Variants in CDA observed in about 807,000 individuals in gnomAD.
CDA encodes cytidine aminohydrolase.
CDA carries 7 observed loss-of-function variants against 15.0 expected under a neutral mutation model. That is an observed-to-expected ratio of 0.47 (90% CI 0.26 to 0.87). CDA has a LOEUF of 0.87. Ranked by LOEUF, CDA falls within the 40% of genes least tolerant of loss-of-function variation. CDA has a pLI of 0.15. For missense variants in CDA, 159 were observed against 182.7 expected, an observed-to-expected ratio of 0.87 and a Z score of 0.75; for synonymous variants, 58 against 73.0, an observed-to-expected ratio of 0.79 and a Z score of 1.05.
chr1:20,612,083 G>A lies in CDA; in HGVS notation c.267-1759G>A, dbSNP rs555582801. 4.6e-5 allele frequency among the ~76,000 whole-genome samples: 7 copies of A among 152,050 alleles called. No homozygotes were observed. The East Asian group carries it at 7.8e-4, about 17-fold the overall frequency. ...TCGCCATGTTGGCCAGGATGGTCTC[G>A]AACTCCTGACCTCAGGTGATCCATC... On this transcript the variant is annotated intron_variant, in intron 2 of 3. Coordinates refer to ENST00000375071, the MANE Select transcript of CDA (RefSeq NM_001785.3).
In CDA at chr1:20,611,891, C is replaced by T. The variant is rs940596563; in HGVS notation, c.267-1951C>T. Among the ~76,000 whole-genome samples, 5 of 152,086 alleles carry T rather than the reference C, an allele frequency of 3.3e-5. No homozygotes were observed. In the South Asian group the frequency reaches 8.3e-4, roughly 25 times the overall value. ...GTTTGTTTGTTTTTTGAGACAGGGT[C>T]TCACTCTGTCACCCAGGCTGGAGTG... On this transcript the variant is annotated intron_variant, in intron 2 of 3. Transcript: ENST00000375071.
At chr1:20,595,737 G>A (rs2052586366) in intron 1 of CDA, among the ~76,000 whole-genome samples, 1 of 151,804 alleles carries the variant, frequency 6.6e-6, no homozygotes, top group South Asian at 2.1e-4. Flanking sequence ...CTACTCGGGA[G>A]GCTGAGGCAG....
At chr1:20,614,592 T>A (rs896288135) in intron 3 of CDA, among the ~76,000 whole-genome samples, 1 of 152,188 alleles carries the variant, frequency 6.6e-6, no homozygotes, top group Non-Finnish European at 1.5e-5. Context: ...GGCCCTCTTT[T>A]TGAGCATGAC....
chr1:20,607,559 G>A (rs536897403), intron 2 of CDA, among the ~76,000 whole-genome samples: 2 of 152,274 alleles, frequency 1.3e-5, no homozygotes, highest in South Asian at 4.2e-4. Flanking sequence ...TCAACCAAAG[G>A]ATAATGATGC....
chr1:20,609,454 C>T (rs1205180244), intron 2 of CDA, among the ~76,000 whole-genome samples: 3 of 152,144 alleles, frequency 2.0e-5, no homozygotes, highest in Non-Finnish European at 4.4e-5. Flanking sequence ...CCACTGCACT[C>T]CAGCCTGGGC....
intron 3 of CDA, 100 bp downstream of exon 3, chr1:20,613,999 G>GC: frequency 9.4e-7 from 1 of 1,059,356 alleles, no homozygotes; most frequent in Non-Finnish European, 1.5e-6. Flanking sequence ...GGCAGGCGTG[G>GC]AGACACAGCT....
chr1:20,606,289 C>G (rs2052694657), intron 2 of CDA, among the ~76,000 whole-genome samples: 1 of 151,722 alleles, frequency 6.6e-6, no homozygotes, highest in Non-Finnish European at 1.5e-5. Context: ...GAGCTGAGAT[C>G]ACGCCTCTGC....
chr1:20,610,839 C>A (rs370683468), intron 2 of CDA, among the ~76,000 whole-genome samples: 1 of 152,136 alleles, frequency 6.6e-6, no homozygotes, highest in African/African-American at 2.4e-5. Flanking sequence ...AAGCAGATGA[C>A]GTATCATCCA....
intron 3 of CDA, 100 bp from the exon 4 acceptor site, chr1:20,618,352 A>G: frequency 2.8e-6 from 2 of 724,836 alleles, no homozygotes; most frequent in South Asian, 1.5e-5. Context: ...CAAGGTAAAG[A>G]GAGGAACATT....
intron 2 of CDA, among the ~76,000 whole-genome samples, chr1:20,609,441 G>A (rs565049875): frequency 1.3e-5 from 2 of 152,124 alleles, no homozygotes; most frequent in African/African-American, 2.4e-5. Flanking sequence ...AGCCGAGATC[G>A]CGCCACTGCA....
At chr1:20,592,961 C>T (rs1012731819) in intron 1 of CDA, among the ~76,000 whole-genome samples, 7 of 152,018 alleles carry the variant, frequency 4.6e-5, no homozygotes, top group Admixed American at 1.3e-4. Context: ...GATGTGGTGG[C>T]GTGCATCTGT....
chr1:20,594,563 G>A (rs538806332), intron 1 of CDA, among the ~76,000 whole-genome samples: 1 of 152,002 alleles, frequency 6.6e-6, no homozygotes, highest in South Asian at 2.1e-4. Context: ...CGAGCTGGGC[G>A]GATCACCTGA....
Position 20,618,787 on chromosome 1 carries a change from C to T in CDA, c.*219C>T, listed in dbSNP as rs952686639. The T allele has an allele frequency of 2.0e-5, 11 of 545,762 alleles. No individual in the cohort carries two copies. The highest frequency in any genetic ancestry group is 1.7e-4 in the African/African-American group (9 of 52,686). The allele number at this position is 545,762 out of a possible 1,614,324, so 33.8% of individuals were successfully genotyped here. On this transcript the variant is annotated 3_prime_UTR_variant, in exon 4 of 4. Coordinates refer to ENST00000375071, the MANE Select transcript of CDA (RefSeq NM_001785.3). ...CCCTGCCCCACCTTTCCTTTCCTTC[C>T]TGTGGGCCCTCTTTCAAAGTCCAGC...
chr1:20,614,569 A>AG (rs1323550903), intron 3 of CDA, among the ~76,000 whole-genome samples: 1 of 152,248 alleles, frequency 6.6e-6, no homozygotes, highest in East Asian at 1.9e-4. Flanking sequence ...CCCCTGCTTT[A>AG]GATATCCAGG....
chr1:20,603,472 A>G (rs2154532304), intron 1 of CDA, among the ~76,000 whole-genome samples: 2 of 152,262 alleles, frequency 1.3e-5, no homozygotes, highest in Admixed American at 1.3e-4. Flanking sequence ...CTGTGGAAGG[A>G]GAAAAGAATG....
chr1:20,595,247 C>A (rs1240811380), intron 1 of CDA, among the ~76,000 whole-genome samples: 1 of 152,120 alleles, frequency 6.6e-6, no homozygotes, highest in Non-Finnish European at 1.5e-5. Flanking sequence ...AGGAACACAC[C>A]ACATTTTAGA....
At chr1:20,604,219 C>T (rs1351946346) in intron 1 of CDA, among the ~76,000 whole-genome samples, 1 of 152,174 alleles carries the variant, frequency 6.6e-6, no homozygotes, top group Non-Finnish European at 1.5e-5. Flanking sequence ...GCTGCTATAA[C>T]AGAATACCAT....
chr1:20,607,849 G>C (rs1285567291), intron 2 of CDA, among the ~76,000 whole-genome samples: 4 of 152,190 alleles, frequency 2.6e-5, no homozygotes, highest in Admixed American at 2.0e-4. Context: ...CATCAGATGG[G>C]TCTGAGCAAC....
intron 3 of CDA, among the ~76,000 whole-genome samples, chr1:20,618,217 G>A (rs919878682): frequency 5.5e-5 from 5 of 91,606 alleles, no homozygotes; most frequent in African/African-American, 2.2e-4. Context: ...GGTGAGTCTT[G>A]AATGGTGCCT....
Sources: allele counts gnomAD v4.1 joint callset (sites outside exome capture counted in the v4.1 genomes callset), GRCh38; gene constraint gnomAD v4.1.1; transcripts MANE v1.5; gene names NCBI Gene and HGNC (gene_info 2026-07-23, HGNC 2026-07-21).